SUGCT: variants seen among roughly 807,000 people sequenced by gnomAD.
SUGCT encodes succinyl-CoA:glutarate CoA-transferase.
SUGCT carries 41 observed loss-of-function variants against 55.0 expected under a neutral mutation model. That is an observed-to-expected ratio of 0.74 (90% confidence interval 0.58 to 0.97). SUGCT has a LOEUF of 0.97. Ranked by LOEUF, SUGCT falls within the 50% of genes least tolerant of loss-of-function variation. The probability of loss-of-function intolerance (pLI) is 0.00; values close to 1 mark genes in which losing one functional copy is unlikely to be tolerated. For synonymous variants in SUGCT, 187 were observed against 200.4 expected (o/e 0.93, Z 0.56); for missense variants, 568 against 547.8 (o/e 1.04, Z -0.37).
At chr7:40,151,013 G>A (rs1788538644) in intron 1 of SUGCT, among the ~76,000 whole-genome samples, 1 of 152,090 alleles carries the variant, frequency 6.6e-6, no homozygotes, top group Admixed American at 6.6e-5. Context: ...GAGGCGGGCG[G>A]ATTGCAAGAT....
intron 12 of SUGCT, among the ~76,000 whole-genome samples, chr7:40,497,830 C>G (rs974837650): frequency 1.3e-5 from 2 of 151,660 alleles, no homozygotes; most frequent in Non-Finnish European, 2.9e-5. Flanking sequence ...GATGAAGGCA[C>G]CAAAGCAAAG....
intron 9 of SUGCT, among the ~76,000 whole-genome samples, chr7:40,384,929 A>G (rs1785041417): frequency 6.6e-6 from 1 of 152,172 alleles, no homozygotes; most frequent in Non-Finnish European, 1.5e-5. Flanking sequence ...TGTGGTAAAC[A>G]AAGATAGGCT....
chr7:40,898,048 G>C, the SUGCT span, among the ~76,000 whole-genome samples: 1 of 152,114 alleles, frequency 6.6e-6, no homozygotes, highest in Non-Finnish European at 1.5e-5. Context: ...GATAAATCTT[G>C]ATGCTGCTTA....
At chr7:40,569,954 C>A (rs894834278) in intron 12 of SUGCT, among the ~76,000 whole-genome samples, 1 of 152,064 alleles carries the variant, frequency 6.6e-6, no homozygotes, top group African/African-American at 2.4e-5. Context: ...AGTGTGGTAT[C>A]CAAAGTTGAT....
chr7:40,328,375 G>A (rs775963970), intron 9 of SUGCT, among the ~76,000 whole-genome samples: 1 of 152,174 alleles, frequency 6.6e-6, no homozygotes, highest in African/African-American at 2.4e-5. Context: ...CAGTCCTTGA[G>A]CAATATAGGA....
At chr7:40,155,142 G>A (rs1443497229) in intron 1 of SUGCT, among the ~76,000 whole-genome samples, 1 of 152,126 alleles carries the variant, frequency 6.6e-6, no homozygotes, top group South Asian at 2.1e-4. Context: ...AAAATTAGCT[G>A]GGTGTAGTGG....
At chr7:40,501,658 AATC>A (rs1399571779) in intron 12 of SUGCT, among the ~76,000 whole-genome samples, 1 of 152,056 alleles carries the variant, frequency 6.6e-6, no homozygotes, top group Non-Finnish European at 1.5e-5. Flanking sequence ...TCATTCAGTA[AATC>A]ATCATTGACA....
At chr7:40,483,678 A>T (rs112197823) in intron 11 of SUGCT, among the ~76,000 whole-genome samples, 1 of 147,102 alleles carries the variant, frequency 6.8e-6, no homozygotes, top group Non-Finnish European at 1.5e-5. Context: ...CTGTAAGTCC[A>T]TAAGAAGACA....
chr7:40,782,018 C>T (rs1302709492), intron 13 of SUGCT, among the ~76,000 whole-genome samples: 1 of 151,908 alleles, frequency 6.6e-6, no homozygotes, highest in Non-Finnish European at 1.5e-5. Flanking sequence ...ATAATTCTTC[C>T]TGGGTGATAA....
chr7:40,495,351 A>G (rs750846824), intron 11 of SUGCT, among the ~76,000 whole-genome samples: 17 of 151,710 alleles, frequency 1.1e-4, no homozygotes, highest in Non-Finnish European at 2.1e-4. Flanking sequence ...ATACTCTACT[A>G]TTGTTTCACT....
intron 13 of SUGCT, among the ~76,000 whole-genome samples, chr7:40,851,646 G>C (rs905264533): frequency 1.3e-5 from 2 of 152,174 alleles, no homozygotes; most frequent in African/African-American, 4.8e-5. Context: ...TTCACCCACA[G>C]CCCTTGCTTA....
At position 40,673,462 on chromosome 7, in the gene SUGCT, A is replaced by G. The variant is rs1005657768; in HGVS notation, c.1090-75972A>G. Among the ~76,000 whole-genome samples, 2 of 152,242 alleles carry G rather than the reference A, an allele frequency of 1.3e-5. 1 individual carries two copies. Among genetic ancestry groups the G allele is most frequent in the South Asian group, 4.1e-4 (2 of 4,822 alleles). On this transcript the variant is annotated intron_variant, in intron 12 of 13. Coordinates refer to ENST00000335693, the MANE Select transcript of SUGCT (RefSeq NM_001193313.2). ...TTTCTTCTTCTGTGGATGCTATTTC[A>G]TCTCTTTGCCAAAACTCCCTCTGAA...
At chr7:40,477,383 C>CT (rs1209053627) in intron 11 of SUGCT, among the ~76,000 whole-genome samples, 1 of 152,064 alleles carries the variant, frequency 6.6e-6, no homozygotes, top group Non-Finnish European at 1.5e-5. Context: ...AAAGTGACTT[C>CT]TTTCTGAATG....
chr7:40,975,513 G>GAGGT, the SUGCT span, among the ~76,000 whole-genome samples: 4 of 152,170 alleles, frequency 2.6e-5, no homozygotes, highest in African/African-American at 9.7e-5. Context: ...TTCTGTATAT[G>GAGGT]ATACAAATAC....
At chr7:40,772,554 CTA>C (rs1031737941) in intron 13 of SUGCT, among the ~76,000 whole-genome samples, 2 of 138,072 alleles carry the variant, frequency 1.4e-5, no homozygotes, top group Non-Finnish European at 3.2e-5. Flanking sequence ...ATCTATCTAT[CTA>C]TCTATCTGGT....
chr7:40,603,572 C>G (rs1276075773), intron 12 of SUGCT, among the ~76,000 whole-genome samples: 1 of 152,064 alleles, frequency 6.6e-6, no homozygotes, highest in African/African-American at 2.4e-5. Flanking sequence ...TCTCAAATCC[C>G]TTGAGATTTT....
chr7:40,236,127 G>A (rs1584415537), intron 6 of SUGCT, among the ~76,000 whole-genome samples: 1 of 151,860 alleles, frequency 6.6e-6, no homozygotes, highest in East Asian at 1.9e-4. Flanking sequence ...GTGCAATCTC[G>A]GCTCACTGTA....
At chr7:40,420,966 C>G (rs1787277898) in intron 9 of SUGCT, among the ~76,000 whole-genome samples, 1 of 152,146 alleles carries the variant, frequency 6.6e-6, no homozygotes, top group Admixed American at 6.5e-5. Context: ...TATTAAGGTT[C>G]CACCCCACTT....
intron 1 of SUGCT, among the ~76,000 whole-genome samples, chr7:40,141,657 G>T (rs1034120467): frequency 1.3e-5 from 2 of 148,826 alleles, no homozygotes; most frequent in African/African-American, 5.0e-5. Flanking sequence ...AAAAAAAAGT[G>T]TGCTTCTTAT....
Sources: allele counts gnomAD v4.1 joint callset (sites outside exome capture counted in the v4.1 genomes callset), GRCh38; gene constraint gnomAD v4.1.1; transcripts MANE v1.5; gene names NCBI Gene and HGNC (gene_info 2026-07-23, HGNC 2026-07-21).